TBL1Y: variants seen among roughly 807,000 people sequenced by gnomAD.
The protein encoded by TBL1Y is F-box-like/WD repeat-containing protein TBL1Y.
TBL1Y carries 15 observed loss-of-function variants against 12.0 expected under a neutral mutation model. The ratio of observed to expected loss-of-function variants is 1.25; its 90% CI spans 0.83 to 1.92. The LOEUF (loss-of-function observed/expected upper bound fraction) is 1.92. Ranked by LOEUF, TBL1Y falls within the 40% of genes most tolerant of loss-of-function variation. The probability of loss-of-function intolerance (pLI) is 0.00; values close to 1 mark genes in which losing one functional copy is unlikely to be tolerated. For synonymous variants in TBL1Y, 53 were observed against 42.6 expected (o/e 1.24, Z -0.95); for missense variants, 148 against 116.7 (o/e 1.27, Z -1.24).
intron 2 of TBL1Y, among the ~76,000 whole-genome samples, chrY:6,918,168 G>C: frequency 9.1e-5 from 3 of 32,988 alleles, no homozygotes; most frequent in Non-Finnish European, 2.2e-4. Flanking sequence ...AGTCATGCCT[G>C]TTTTCAGGGA....
At chrY:6,991,665 C>T in intron 3 of TBL1Y, among the ~76,000 whole-genome samples, 1 of 33,517 alleles carries the variant, frequency 3.0e-5, no homozygotes, top group South Asian at 7.0e-4. Flanking sequence ...AAGGAACTAA[C>T]CCTACCAGTG....
chrY:7,019,090 A>G (rs2124149302), intron 4 of TBL1Y, among the ~76,000 whole-genome samples: 2 of 33,648 alleles, frequency 5.9e-5, no homozygotes, highest in Admixed American at 5.4e-4. Flanking sequence ...TATTTGTCAC[A>G]TAATCAGCAT....
At chrY:7,060,012 C>T (rs1042013848) in intron 7 of TBL1Y, among the ~76,000 whole-genome samples, 1 of 32,770 alleles carries the variant, frequency 3.1e-5, no homozygotes, top group African/African-American at 1.2e-4. Context: ...TAAGAAAAAC[C>T]TGTTGTGCTC....
intron 2 of TBL1Y, among the ~76,000 whole-genome samples, chrY:6,934,951 G>A: frequency 9.1e-5 from 3 of 32,853 alleles, no homozygotes; most frequent in African/African-American, 3.6e-4. Flanking sequence ...GTGATCGAGC[G>A]ATCCTACCAC....
chrY:7,036,445 G>A (rs2012693571), intron 6 of TBL1Y, among the ~76,000 whole-genome samples: 3 of 33,383 alleles, frequency 9.0e-5, no homozygotes, highest in Non-Finnish European at 2.2e-4. Context: ...CACATCTATC[G>A]AGAGCATGAG....
At chrY:7,006,983 T>C (rs2012491494) in intron 4 of TBL1Y, among the ~76,000 whole-genome samples, 1 of 33,632 alleles carries the variant, frequency 3.0e-5, no homozygotes, top group Non-Finnish European at 7.4e-5. Context: ...GACATGAAGA[T>C]GTTGTTAAAA....
intron 6 of TBL1Y, among the ~76,000 whole-genome samples, chrY:7,038,089 T>C (rs948028214): frequency 3.0e-5 from 1 of 33,697 alleles, no homozygotes; most frequent in African/African-American, 1.2e-4. Flanking sequence ...TTTAGCAGTG[T>C]CATCATTGCA....
intron 4 of TBL1Y, among the ~76,000 whole-genome samples, chrY:7,011,247 T>G: frequency 2.9e-5 from 1 of 34,089 alleles, no homozygotes; most frequent in Non-Finnish European, 7.3e-5. Context: ...CATTCCTTCC[T>G]GGATGCCAGC....
intron 4 of TBL1Y, among the ~76,000 whole-genome samples, chrY:7,004,895 G>A (rs776353442): frequency 8.3e-4 from 28 of 33,934 alleles, no homozygotes; most frequent in Admixed American, 3.0e-3. Context: ...GCTGCAGCCT[G>A]CATGCCGGAT....
intron 4 of TBL1Y, among the ~76,000 whole-genome samples, chrY:7,003,834 C>T (rs902103160): frequency 6.1e-5 from 2 of 32,621 alleles, no homozygotes; most frequent in African/African-American, 1.2e-4. Flanking sequence ...TAGACTAAGA[C>T]GTGTTCTTAA....
intron 2 of TBL1Y, among the ~76,000 whole-genome samples, chrY:6,940,923 A>G: frequency 5.9e-5 from 2 of 34,109 alleles, no homozygotes; most frequent in Admixed American, 5.3e-4. Context: ...CAGCTTGTTA[A>G]TCAGCATTTT....
chrY:6,970,995 G>A (rs967314688), intron 2 of TBL1Y, among the ~76,000 whole-genome samples: 2 of 34,164 alleles, frequency 5.9e-5, no homozygotes. Context: ...TAACTGGAAA[G>A]AAGTCTGAAT....
chrY:7,025,614 G>A (rs2012620234), intron 6 of TBL1Y, among the ~76,000 whole-genome samples: 1 of 33,231 alleles, frequency 3.0e-5, no homozygotes, highest in Non-Finnish European at 7.4e-5. Context: ...CGTCTCTTGT[G>A]TTCAGATTTG....
intron 2 of TBL1Y, among the ~76,000 whole-genome samples, chrY:6,923,420 C>T: frequency 3.0e-5 from 1 of 33,831 alleles, no homozygotes; most frequent in Non-Finnish European, 7.3e-5. Flanking sequence ...GCTGAATTGC[C>T]TGATAGATAG....
intron 2 of TBL1Y, among the ~76,000 whole-genome samples, chrY:6,917,957 C>T (rs895489357): frequency 7.2e-4 from 24 of 33,109 alleles, no homozygotes; most frequent in Non-Finnish European, 3.7e-4. Flanking sequence ...AGTGTGCCAC[C>T]TTCATCTCAT....
chrY:7,009,398 C>A (rs770347931), intron 4 of TBL1Y, among the ~76,000 whole-genome samples: 101 of 33,441 alleles, frequency 3.0e-3, no homozygotes, highest in Non-Finnish European at 5.1e-3. Context: ...GCCACCAATA[C>A]AGAACAGATT....
chrY:7,062,545 C>A, intron 7 of TBL1Y, among the ~76,000 whole-genome samples: 3 of 33,509 alleles, frequency 9.0e-5, no homozygotes, highest in Admixed American at 5.3e-4. Context: ...TTGTTACCAT[C>A]TTTATCCTCC....
At chrY:7,086,124 C>T in intron 15 of TBL1Y, 152 bp downstream of exon 15, 3 of 247,331 alleles carry the variant, frequency 1.2e-5, no homozygotes, top group Non-Finnish European at 1.9e-5. Flanking sequence ...TCTCAGTCAG[C>T]GTCCTACTGA....
At chrY:6,915,223 T>C in intron 2 of TBL1Y, among the ~76,000 whole-genome samples, 1 of 33,664 alleles carries the variant, frequency 3.0e-5, no homozygotes, top group Non-Finnish European at 7.3e-5. Context: ...TACCTTGGGC[T>C]TTCCCTTCCC....
Sources: allele counts gnomAD v4.1 joint callset (sites outside exome capture counted in the v4.1 genomes callset), GRCh38; gene constraint gnomAD v4.1.1; transcripts MANE v1.5; gene names NCBI Gene and HGNC (gene_info 2026-07-23, HGNC 2026-07-21).